GRID2IP: variants seen among roughly 807,000 people sequenced by gnomAD.
GRID2IP encodes the protein delphilin.
A neutral mutation model predicts 114.3 loss-of-function variants in GRID2IP; 78 were observed. That is an observed-to-expected ratio of 0.68 (90% CI 0.57 to 0.82). The LOEUF (loss-of-function observed/expected upper bound fraction) is 0.82, where lower values mean the gene tolerates loss of function less well. Among genes scored for constraint, GRID2IP ranks in the 40% least tolerant of loss-of-function variants. The pLI, the probability that GRID2IP is intolerant of heterozygous loss-of-function variation, is 0.00. For missense variants in GRID2IP, 1,727 were observed against 1,678.5 expected (o/e 1.03, Z -0.51); for synonymous variants, 809 against 724.0 (o/e 1.12, Z -1.89).
chr7:6,522,081 G>A (rs1434238045), intron 4 of GRID2IP, 124 bp from the exon 5 acceptor site: 1 of 738,526 alleles, frequency 1.4e-6, no homozygotes, highest in African/African-American at 1.7e-5. Flanking sequence ...CGGGCATGGT[G>A]GCTCACACCT....
At chr7:6,549,788 GT>G (rs754075666) in intron 1 of GRID2IP, among the ~76,000 whole-genome samples, 2,396 of 143,554 alleles carry the variant, frequency 0.017, 67 homozygotes, top group African/African-American at 0.055. Flanking sequence ...CACCTGGCTG[GT>G]TTTTTTTTTT....
intron 1 of GRID2IP, among the ~76,000 whole-genome samples, chr7:6,549,803 A>T (rs55735090): frequency 0.32 from 47,171 of 145,446 alleles, 7,661 homozygotes; most frequent in Admixed American, 0.39. Flanking sequence ...TTTTTTTTTT[A>T]TATTTTTGAT....
intron 1 of GRID2IP, among the ~76,000 whole-genome samples, chr7:6,548,674 A>G (rs1244742373): frequency 6.6e-6 from 1 of 151,664 alleles, no homozygotes; most frequent in Non-Finnish European, 1.5e-5. Flanking sequence ...CATCTCTACT[A>G]AGAATACAGA....
chr7:6,545,733 A>G (rs1435686946), intron 1 of GRID2IP, among the ~76,000 whole-genome samples: 1 of 152,126 alleles, frequency 6.6e-6, no homozygotes, highest in East Asian at 1.9e-4. Flanking sequence ...AGGCACTCAG[A>G]GAATGTGGAT....
intron 1 of GRID2IP, among the ~76,000 whole-genome samples, chr7:6,545,961 G>C (rs886636028): frequency 1.6e-4 from 25 of 152,150 alleles, no homozygotes; most frequent in Non-Finnish European, 1.6e-4. Flanking sequence ...ATGTAAGAAA[G>C]AGGAAAAAAT....
Position 6,520,532 on chromosome 7 carries a change from A to C in GRID2IP, c.1268+46T>G. 3 of 1,519,070 alleles carry C rather than the reference A, an allele frequency of 2.0e-6. No homozygotes were observed. The highest frequency in any genetic ancestry group is 2.7e-6 in the Non-Finnish European group (3 of 1,122,764). The allele number at this position is 1,519,070 out of a possible 1,614,324, so 94.1% of individuals were successfully genotyped here. ...TGGGATGTGAGTCTAGGCAGGACTT[A>C]GGGCCCACCCAGGGCAGGGCCCCAC... is the stretch of plus-strand genomic sequence containing the variant. On this transcript the variant is annotated intron_variant, in intron 7 of 21. Transcript: ENST00000457091. The surrounding 1 kb of genome is among the most constrained non-coding windows in gnomAD (Gnocchi z 4.6).
chr7:6,548,375 C>T (rs1407596019), intron 1 of GRID2IP, among the ~76,000 whole-genome samples: 1 of 151,842 alleles, frequency 6.6e-6, no homozygotes, highest in East Asian at 1.9e-4. Context: ...CAAACTTAAA[C>T]GGTGTAGATG....
At chr7:6,533,243 A>G (rs1779665335) in intron 2 of GRID2IP, among the ~76,000 whole-genome samples, 1 of 152,194 alleles carries the variant, frequency 6.6e-6, no homozygotes, top group African/African-American at 2.4e-5. Context: ...GCAGTGCCCT[A>G]CTTGAGACAC....
Position 6,514,749 on chromosome 7 carries a change from C to T in GRID2IP, c.1269-220G>A, listed in dbSNP as rs913725039. ...GGTGGATCATTTGAGGTCAGGAGTTCGAGACCAGCCCAGCCAACATGGTGA... is the reference window on the plus strand; with the variant it reads ...GGTGGATCATTTGAGGTCAGGAGTTTGAGACCAGCCCAGCCAACATGGTGA... On this transcript the variant is annotated intron_variant, in intron 7 of 21. Transcript: ENST00000457091. 4.6e-5 allele frequency among the ~76,000 whole-genome samples: 7 copies of T among 151,818 alleles called. No homozygotes were observed. In the South Asian group the frequency reaches 8.3e-4, roughly 18 times the overall value.
intron 1 of GRID2IP, among the ~76,000 whole-genome samples, chr7:6,544,686 C>T (rs147288879): frequency 6.2e-4 from 95 of 152,316 alleles, no homozygotes; most frequent in African/African-American, 2.3e-3. Flanking sequence ...CACAGCAGCT[C>T]ATGCCTATAA....
intron 1 of GRID2IP, among the ~76,000 whole-genome samples, chr7:6,540,354 C>T (rs904172350): frequency 7.9e-5 from 12 of 151,926 alleles, no homozygotes; most frequent in Admixed American, 3.9e-4. Flanking sequence ...TCAGGTGATC[C>T]GCCCGCCTCG....
chr7:6,517,622 G>A (rs953760342), intron 7 of GRID2IP, among the ~76,000 whole-genome samples: 1 of 152,050 alleles, frequency 6.6e-6, no homozygotes, highest in African/African-American at 2.4e-5. Flanking sequence ...ATATACAAAG[G>A]TGTCCAGCCG....
chr7:6,503,973 G>A (rs1176349042), intron 15 of GRID2IP, among the ~76,000 whole-genome samples: 1 of 150,644 alleles, frequency 6.6e-6, no homozygotes, highest in Non-Finnish European at 1.5e-5. Context: ...GGCCGGGAGA[G>A]GGTGGGGCCT....
chr7:6,510,585 C>T (rs193236215), intron 10 of GRID2IP, 24 bp downstream of exon 10: 38 of 1,500,884 alleles, frequency 2.5e-5, no homozygotes, highest in South Asian at 1.1e-4. Context: ...ACTGACCCCA[C>T]GTGGAGGGCA....
chr7:6,529,964 T>C (rs1368539647), intron 2 of GRID2IP, among the ~76,000 whole-genome samples: 12 of 148,692 alleles, frequency 8.1e-5, no homozygotes, highest in African/African-American at 2.7e-4. Context: ...TCTCTCTCTT[T>C]TTTTTTTTTT....
Position 6,521,901 on chromosome 7 carries a change from C to T in GRID2IP, c.976G>A (p.Gly326Arg). Residue 326 changes from glycine to arginine, a missense_variant, in exon 5 of 22, where the codon GGA (glycine) becomes AGA (arginine). Gly to Arg is a moderately radical substitution (Grantham distance 125). Transcript: ENST00000457091. This position sits in a 1 kb window ranked among gnomAD's most constrained non-coding sequence, Gnocchi z 4.1. Reference sequence around the variant, plus strand: ...ATAGCCTCTGACCTCATGTCCAGTCCATTGAGGAAGAGGATCCGGTCACCT... The same window carrying T: ...ATAGCCTCTGACCTCATGTCCAGTCTATTGAGGAAGAGGATCCGGTCACCT... ...KSGDRILFLN[G>R]LDMRNCSHDK... 6.4e-7 allele frequency: 1 copy of T among 1,551,086 alleles called. No homozygotes were observed. The highest frequency in any genetic ancestry group is 1.4e-5 in the African/African-American group (1 of 73,138).
At chr7:6,527,140 A>C (rs1779530961) in intron 2 of GRID2IP, among the ~76,000 whole-genome samples, 1 of 151,802 alleles carries the variant, frequency 6.6e-6, no homozygotes, top group Admixed American at 6.6e-5. Flanking sequence ...CCAAGCCCTG[A>C]GCCAGGGATC....
chr7:6,510,081 C>T (rs553784373), intron 11 of GRID2IP, among the ~76,000 whole-genome samples: 9 of 152,272 alleles, frequency 5.9e-5, no homozygotes, highest in East Asian at 3.9e-4. Context: ...CCTCCTGCCT[C>T]GGCCTCCCAA....
rs1230547065 is a variant in GRID2IP, at chr7:6,503,563, G to C, written c.2835C>G (p.Asp945Glu). Residue 945 changes from aspartate to glutamate, a missense_variant, in exon 16 of 22, where the codon GAC (aspartate) becomes GAG (glutamate). Asp to Glu is a conservative substitution (Grantham distance 45). Coordinates refer to ENST00000457091, the MANE Select transcript of GRID2IP (RefSeq NM_001145118.2). ...AQLLLFAPDA[D>E]EEQRYQAFRE... ...GGAAGGCCTGGTAGCGCTGCTCCTC[G>C]TCGGCGTCGGGCGCGAAGAGCAGCA... The C allele has an allele frequency of 2.6e-6, 4 of 1,528,622 alleles. No individual in the cohort carries two copies. In the Admixed American group the frequency reaches 7.9e-5, roughly 30 times the overall value. 94.7% of individuals were successfully genotyped at this position (1,528,622 alleles called of 1,614,324 possible). A position where few individuals can be genotyped will look rare whatever the true frequency, so the allele number is the denominator to read the frequency against.
Sources: gnomAD v4.1 joint callset for allele counts (sites outside exome capture counted in the v4.1 genomes callset) on GRCh38, gnomAD v4.1.1 for gene constraint, Gnocchi (gnomAD v3.1) non-coding constraint, MANE v1.5 for transcripts, NCBI Gene and HGNC (gene_info 2026-07-23, HGNC 2026-07-21) for gene names.